Variants in ATAD2B observed in about 807,000 individuals in gnomAD.
ATAD2B encodes ATPase family AAA domain-containing protein 2B.
In ATAD2B, 40 loss-of-function variants were observed where a neutral mutation model predicts 167.6. The ratio of observed to expected loss-of-function variants is 0.24; its 90% CI spans 0.19 to 0.31. The LOEUF (loss-of-function observed/expected upper bound fraction) is 0.31, where lower values mean the gene tolerates loss of function less well. ATAD2B is among the 10% of genes least tolerant of loss of function. ATAD2B has a pLI of 1.00. For missense variants in ATAD2B, 1,242 were observed against 1,757.2 expected (o/e 0.71, Z 5.24); for synonymous variants, 579 against 596.5 (o/e 0.97, Z 0.43).
At chr2:23,702,267 C>T in the ATAD2B span, among the ~76,000 whole-genome samples, 1 of 152,208 alleles carries the variant, frequency 6.6e-6, no homozygotes, top group African/African-American at 2.4e-5. Context: ...ACCTGCCCTA[C>T]TGAACATCAT....
intron 1 of ATAD2B, among the ~76,000 whole-genome samples, chr2:23,898,578 G>C (rs1700410491): frequency 6.6e-6 from 1 of 152,164 alleles, no homozygotes; most frequent in Non-Finnish European, 1.5e-5. Context: ...ATGTTCTCAG[G>C]ACCTCTTGAG....
the ATAD2B span, among the ~76,000 whole-genome samples, chr2:23,686,931 T>C: frequency 1.3e-5 from 2 of 152,108 alleles, no homozygotes; most frequent in Admixed American, 6.5e-5. Flanking sequence ...AAGTGCCTTC[T>C]TGGGAGGAAA....
chr2:23,822,453 G>A (rs1047727104), intron 16 of ATAD2B, among the ~76,000 whole-genome samples: 1 of 152,110 alleles, frequency 6.6e-6, no homozygotes, highest in African/African-American at 2.4e-5. Flanking sequence ...GCTGAGGCAG[G>A]AGAACTGCTT....
the ATAD2B span, among the ~76,000 whole-genome samples, chr2:23,687,587 C>T: frequency 6.6e-6 from 1 of 152,180 alleles, no homozygotes; most frequent in East Asian, 1.9e-4. Flanking sequence ...ACGCTGCAGA[C>T]AGGCAAGGAG....
chr2:23,696,186 T>C, the ATAD2B span: 1 of 1,519,892 alleles, frequency 6.6e-7, no homozygotes, highest in Non-Finnish European at 8.9e-7. This position sits in a 1 kb window ranked among gnomAD's most constrained non-coding sequence, Gnocchi z 5.5. Flanking sequence ...CCAAGGGGAC[T>C]GCTCCCCACG....
At chr2:23,703,670 G>A in the ATAD2B span, 1 of 1,490,170 alleles carries the variant, frequency 6.7e-7, no homozygotes, top group Non-Finnish European at 8.9e-7. Context: ...AAAGGAGAGG[G>A]AAGTCCAAGA....
At chr2:23,852,017 G>GA (rs991145989) in intron 13 of ATAD2B, among the ~76,000 whole-genome samples, 5 of 151,780 alleles carry the variant, frequency 3.3e-5, no homozygotes, top group Non-Finnish European at 7.4e-5. Context: ...AGAATAGTAG[G>GA]AAAAAATGTA....
chr2:23,861,745 T>C (rs974773752), intron 12 of ATAD2B, among the ~76,000 whole-genome samples: 2 of 152,206 alleles, frequency 1.3e-5, no homozygotes, highest in Non-Finnish European at 2.9e-5. Context: ...TCTTCCTTCA[T>C]CTATAAATGT....
Position 23,757,496 on chromosome 2 carries a change from C to T in ATAD2B, c.4000G>A (p.Ala1334Thr), listed in dbSNP as rs1183022365. ...NHGDDLEKLE[A>T]LECSNNEKLE... is the part of the protein sequence containing the mutation. ...TTCTCATTATTGCTACATTCCAGTG[C>T]CTCTAGTTTCTCAAGATCATCTCCA... Residue 1334 changes from alanine (A) to threonine (T), a missense_variant, in exon 25 of 28, where the codon GCA (alanine) becomes ACA (threonine). Transcript: ENST00000238789. 4 of 1,561,556 alleles carry T rather than the reference C, an allele frequency of 2.6e-6. No individual in the cohort carries two copies. The African/African-American group carries it at 4.1e-5, about 16-fold the overall frequency.
At chr2:23,695,502 C>T in the ATAD2B span, 6 of 729,004 alleles carry the variant, frequency 8.2e-6, no homozygotes, top group Non-Finnish European at 1.3e-5. This position sits in a 1 kb window ranked among gnomAD's most constrained non-coding sequence, Gnocchi z 7.6. Flanking sequence ...AGTATCTACA[C>T]TCCCAAGCCT....
At chr2:23,770,278 T>C (rs910879959) in intron 22 of ATAD2B, among the ~76,000 whole-genome samples, 17 of 151,958 alleles carry the variant, frequency 1.1e-4, no homozygotes, top group African/African-American at 4.1e-4. Flanking sequence ...ATCATGCCAC[T>C]GCACTCCAGC....
chr2:23,882,704 G>C (rs986335141), intron 6 of ATAD2B, among the ~76,000 whole-genome samples: 10 of 151,780 alleles, frequency 6.6e-5, no homozygotes, highest in African/African-American at 1.9e-4. Context: ...CAGCTACTCG[G>C]GAGGCTGAGG....
At chr2:23,833,071 T>C (rs191785519) in intron 14 of ATAD2B, among the ~76,000 whole-genome samples, 43 of 152,346 alleles carry the variant, frequency 2.8e-4, no homozygotes, top group Non-Finnish European at 5.1e-4. Context: ...GTAAATTGAA[T>C]TGTCAATCCA....
At chr2:23,888,934 A>G (rs1159446316) in intron 2 of ATAD2B, among the ~76,000 whole-genome samples, 2 of 152,220 alleles carry the variant, frequency 1.3e-5, no homozygotes, top group African/African-American at 4.8e-5. Context: ...AAGAAGAGAA[A>G]TGTAAATCAC....
At chr2:23,703,216 G>A in the ATAD2B span, 24 of 1,470,470 alleles carry the variant, frequency 1.6e-5, no homozygotes, top group African/African-American at 8.7e-5. Flanking sequence ...AATGGGAGGC[G>A]GTGGCCCCTC....
chr2:23,903,008 G>A lies in ATAD2B; in HGVS notation c.217-7038C>T, dbSNP rs1247187362. Among the ~76,000 whole-genome samples the A allele has an allele frequency of 2.0e-5, 3 of 152,274 alleles. No homozygotes were observed. In the East Asian group the frequency reaches 5.8e-4, roughly 29 times the overall value. On this transcript the variant is annotated intron_variant, in intron 1 of 27. Transcript: ENST00000238789. ...TCTCAACACTGAGAGGTTGAGGTGG[G>A]CAGATTGTTTGAGCTCAGGAGTTCG...
chr2:23,821,934 G>GCT (rs1332520021), intron 16 of ATAD2B, among the ~76,000 whole-genome samples: 1 of 152,088 alleles, frequency 6.6e-6, no homozygotes, highest in Admixed American at 6.5e-5. Context: ...GATTACACAG[G>GCT]CGTGAGCAAC....
intron 2 of ATAD2B, among the ~76,000 whole-genome samples, chr2:23,889,535 C>T (rs980130835): frequency 2.0e-5 from 3 of 152,104 alleles, no homozygotes; most frequent in African/African-American, 7.2e-5. Flanking sequence ...TTTGGTTACT[C>T]CAGTACTCTT....
At chr2:23,783,571 G>A (rs755604813) in intron 21 of ATAD2B, among the ~76,000 whole-genome samples, 34 of 151,966 alleles carry the variant, frequency 2.2e-4, no homozygotes, top group African/African-American at 8.2e-4. Context: ...ATTAAGTATA[G>A]TTTTCCTAAC....
Sources: allele counts gnomAD v4.1 joint callset (sites outside exome capture counted in the v4.1 genomes callset), GRCh38; gene constraint gnomAD v4.1.1; non-coding constraint Gnocchi (gnomAD v3.1); transcripts MANE v1.5; gene names NCBI Gene and HGNC (gene_info 2026-07-23, HGNC 2026-07-21).